Variants in OSBPL11 observed in about 807,000 individuals in gnomAD.
OSBPL11 encodes oxysterol binding protein like 11, also known as oxysterol-binding protein-related protein 11.
A neutral mutation model predicts 84.4 loss-of-function variants in OSBPL11; 33 were observed. That is an observed-to-expected ratio of 0.39 (90% CI 0.30 to 0.52). OSBPL11 has a LOEUF of 0.52. Ranked by LOEUF, OSBPL11 falls within the 20% of genes least tolerant of loss-of-function variation. OSBPL11 has a pLI of 0.72. For synonymous variants in OSBPL11, 276 were observed against 310.2 expected, an observed-to-expected ratio of 0.89 and a Z score of 1.16; for missense variants, 736 against 901.1, an observed-to-expected ratio of 0.82 and a Z score of 2.35.
In OSBPL11 at chr3:125,570,774, C is replaced by G. The variant is rs1251337454; in HGVS notation, c.667-3179G>C. On this transcript the variant is annotated intron_variant, in intron 5 of 12. Coordinates refer to ENST00000296220, the MANE Select transcript of OSBPL11 (RefSeq NM_022776.5). ...CTTGACTTCCGCCATGACTGTGAGG[C>G]CTCCCCAGCCATGTGGAACTGTAAG... is the stretch of plus-strand genomic sequence containing the variant. Among the ~76,000 whole-genome samples the G allele has an allele frequency of 3.3e-5, 5 of 152,158 alleles. No homozygotes were observed. The East Asian group carries it at 9.6e-4, about 29-fold the overall frequency.
chr3:125,531,153 A>G (rs1209734546), intron 12 of OSBPL11, among the ~76,000 whole-genome samples: 3 of 145,458 alleles, frequency 2.1e-5, no homozygotes, highest in Non-Finnish European at 4.5e-5. Flanking sequence ...TAATTTTTGT[A>G]TTTTTAGTAG....
At chr3:125,549,068 C>CTGGA (rs1935861777) in intron 9 of OSBPL11, among the ~76,000 whole-genome samples, 1 of 152,002 alleles carries the variant, frequency 6.6e-6, no homozygotes, top group Admixed American at 6.6e-5. Context: ...GATGCCCAGG[C>CTGGA]TGGAGTGCAA....
Position 125,530,505 on chromosome 3 carries a change from A to G in OSBPL11, c.*10T>C, listed in dbSNP as rs1157435860. On this transcript the variant is annotated 3_prime_UTR_variant, in exon 13 of 13. Coordinates refer to ENST00000296220, the MANE Select transcript of OSBPL11 (RefSeq NM_022776.5). ...AGAACCTCATTTGGTCGAGTTTTAG[A>G]TAGTATGTGTCACTCTGCTGGTTGT... is the stretch of plus-strand genomic sequence containing the variant. The G allele has an allele frequency of 6.2e-7, 1 of 1,612,344 alleles. No individual in the cohort carries two copies. The highest frequency in any genetic ancestry group is 1.7e-5 in the Admixed American group (1 of 60,006).
At chr3:125,579,467 G>A (rs62270204) in intron 3 of OSBPL11, among the ~76,000 whole-genome samples, 16,463 of 152,116 alleles carry the variant, frequency 0.11, 1,059 homozygotes, top group South Asian at 0.17. Context: ...GAAGTTATAC[G>A]TTATTTTAAT....
chr3:125,535,048 C>T (rs1403629025), intron 11 of OSBPL11, among the ~76,000 whole-genome samples: 1 of 101,834 alleles, frequency 9.8e-6, no homozygotes. Context: ...AGAAAGAAAA[C>T]AAACATAGAT....
chr3:125,562,851 C>T (rs191784071), intron 7 of OSBPL11, among the ~76,000 whole-genome samples: 2 of 151,978 alleles, frequency 1.3e-5, no homozygotes, highest in African/African-American at 2.4e-5. Flanking sequence ...ACTGGAACCC[C>T]GGAGGCGGAG....
At chr3:125,566,150 C>A (rs912938767) in intron 6 of OSBPL11, among the ~76,000 whole-genome samples, 1 of 152,140 alleles carries the variant, frequency 6.6e-6, no homozygotes, top group African/African-American at 2.4e-5. Context: ...GGATTACAGG[C>A]GCCTGCCACC....
At chr3:125,547,766 T>C (rs1048497331) in intron 9 of OSBPL11, among the ~76,000 whole-genome samples, 174 bp from the exon 10 acceptor site, 1 of 152,204 alleles carries the variant, frequency 6.6e-6, no homozygotes, top group African/African-American at 2.4e-5. Flanking sequence ...TACCAGGCAA[T>C]AGTGAATCAG....
chr3:125,560,611 T>C (rs530668122), intron 7 of OSBPL11, 92 bp from the exon 8 acceptor site: 4 of 1,193,814 alleles, frequency 3.4e-6, no homozygotes, highest in African/African-American at 3.1e-5. Flanking sequence ...TGAAGACATT[T>C]GTATTTGACC....
rs985586682 is a variant in OSBPL11, at chr3:125,532,022, C to G, written c.2025-8G>C. On this transcript the variant is annotated splice_polypyrimidine_tract_variant and splice_region_variant and intron_variant, in intron 11 of 12. Transcript: ENST00000296220. ...ACATTTTTCCACAATCGCCTGAAATCCAAAAACCACACATTTTACAAGCAT... is the reference window on the plus strand; with the variant it reads ...ACATTTTTCCACAATCGCCTGAAATGCAAAAACCACACATTTTACAAGCAT... The G allele has an allele frequency of 6.3e-7, 1 of 1,593,358 alleles. No homozygotes were observed. The highest frequency in any genetic ancestry group is 8.5e-7 in the Non-Finnish European group (1 of 1,173,218).
intron 11 of OSBPL11, among the ~76,000 whole-genome samples, chr3:125,535,439 CTT>C (rs763678488): frequency 0.025 from 2,139 of 84,082 alleles, 23 homozygotes; most frequent in African/African-American, 0.094. Flanking sequence ...TCAGAAGCAT[CTT>C]TTTTTTTTTT....
At chr3:125,579,725 G>T in intron 3 of OSBPL11, 140 bp downstream of exon 3, 1 of 740,548 alleles carries the variant, frequency 1.4e-6, no homozygotes, top group Non-Finnish European at 2.2e-6. Flanking sequence ...TCTCAAAGCA[G>T]TTCCAAGGTT....
intron 11 of OSBPL11, 125 bp from the exon 12 acceptor site, chr3:125,532,139 T>C: frequency 2.1e-6 from 2 of 951,488 alleles, no homozygotes; most frequent in East Asian, 2.8e-5. Context: ...TACAATGTCA[T>C]GCTTATGAAT....
intron 8 of OSBPL11, among the ~76,000 whole-genome samples, chr3:125,557,442 C>T (rs570464572): frequency 1.3e-5 from 2 of 152,044 alleles, no homozygotes; most frequent in South Asian, 2.1e-4. Context: ...AGTGCAGTGG[C>T]GCAACCTCAG....
At chr3:125,583,998 T>C (rs1936467601) in intron 1 of OSBPL11, among the ~76,000 whole-genome samples, 2 of 152,110 alleles carry the variant, frequency 1.3e-5, no homozygotes, top group Non-Finnish European at 2.9e-5. Context: ...TGCCCCAGAC[T>C]CTGTCTCAAA....
intron 11 of OSBPL11, among the ~76,000 whole-genome samples, chr3:125,537,655 G>A (rs1202281379): frequency 6.6e-6 from 1 of 152,066 alleles, no homozygotes; most frequent in Non-Finnish European, 1.5e-5. Flanking sequence ...AATGTAAGAT[G>A]TTTAGTGGTT....
intron 6 of OSBPL11, among the ~76,000 whole-genome samples, chr3:125,566,798 T>A (rs34856375): frequency 0.079 from 12,044 of 151,618 alleles, 546 homozygotes; most frequent in Non-Finnish European, 0.1. Context: ...ATATATATTT[T>A]TTTTTTAATG....
At chr3:125,565,784 T>G (rs754467021) in intron 6 of OSBPL11, among the ~76,000 whole-genome samples, 3 of 152,098 alleles carry the variant, frequency 2.0e-5, no homozygotes, top group Non-Finnish European at 2.9e-5. Flanking sequence ...ATTTAGACTC[T>G]TCTATCACTT....
chr3:125,538,266 TGACTG>T (rs1397051580), intron 11 of OSBPL11, among the ~76,000 whole-genome samples, 180 bp downstream of exon 11: 4 of 152,248 alleles, frequency 2.6e-5, no homozygotes. Context: ...TACTAAAATG[TGACTG>T]TATATCAAAG....
Sources: gnomAD v4.1 joint callset for allele counts (sites outside exome capture counted in the v4.1 genomes callset) on GRCh38, gnomAD v4.1.1 for gene constraint, MANE v1.5 for transcripts, NCBI Gene and HGNC (gene_info 2026-07-23, HGNC 2026-07-21) for gene names.